Variants in CFDP1 observed in about 807,000 individuals in gnomAD.
The protein encoded by CFDP1 is chromatin remodeling protein CFDP1.
CFDP1 carries 31 observed loss-of-function variants against 40.1 expected under a neutral mutation model. The observed-to-expected ratio is 0.77, with a 90% CI of 0.58 to 1.04. The LOEUF (loss-of-function observed/expected upper bound fraction) is 1.04. CFDP1 is among the 50% of genes least tolerant of loss of function. The pLI, the probability that CFDP1 is intolerant of heterozygous loss-of-function variation, is 0.00. For synonymous variants in CFDP1, 167 were observed against 120.0 expected, an observed-to-expected ratio of 1.39 and a Z score of -2.56; for missense variants, 423 against 343.4, an observed-to-expected ratio of 1.23 and a Z score of -1.83.
intron 5 of CFDP1, among the ~76,000 whole-genome samples, chr16:75,314,969 C>A (rs2078315240): frequency 1.3e-5 from 2 of 152,174 alleles, no homozygotes; most frequent in Admixed American, 6.5e-5. Flanking sequence ...CCAGGTTGGT[C>A]TTGATCTCCT....
intron 5 of CFDP1, among the ~76,000 whole-genome samples, chr16:75,360,662 G>A (rs1378949767): frequency 6.6e-6 from 1 of 152,126 alleles, no homozygotes; most frequent in Non-Finnish European, 1.5e-5. Context: ...CAAGATAACT[G>A]GAAATTTGCC....
chr16:75,350,333 C>A (rs892577658), intron 5 of CFDP1, among the ~76,000 whole-genome samples: 2 of 152,122 alleles, frequency 1.3e-5, no homozygotes, highest in African/African-American at 4.8e-5. Context: ...GTGGCTACAC[C>A]ATTCTATATC....
intron 2 of CFDP1, among the ~76,000 whole-genome samples, chr16:75,413,524 G>C (rs1166347395): frequency 1.5e-5 from 2 of 130,560 alleles, no homozygotes; most frequent in African/African-American, 3.0e-5. Context: ...CTGCACTCCA[G>C]CCTAGGCAAC....
chr16:75,365,455 C>T (rs540597022), intron 5 of CFDP1, among the ~76,000 whole-genome samples: 1 of 152,284 alleles, frequency 6.6e-6, no homozygotes, highest in South Asian at 2.1e-4. Context: ...GTGGCACAGA[C>T]GGACTAAAAC....
At chr16:75,423,152 G>C (rs1009255807) in intron 1 of CFDP1, among the ~76,000 whole-genome samples, 4 of 151,726 alleles carry the variant, frequency 2.6e-5, no homozygotes, top group Non-Finnish European at 5.9e-5. Flanking sequence ...CTTGTGGTGG[G>C]TGCCTGTAGT....
chr16:75,414,009 C>T (rs149113076), intron 2 of CFDP1, among the ~76,000 whole-genome samples: 1 of 152,148 alleles, frequency 6.6e-6, no homozygotes, highest in East Asian at 1.9e-4. Context: ...AGAATATTCA[C>T]TGCACTCTTC....
chr16:75,367,924 G>C (rs145345793), intron 5 of CFDP1, among the ~76,000 whole-genome samples: 41 of 152,146 alleles, frequency 2.7e-4, no homozygotes, highest in Admixed American at 8.5e-4. Context: ...AGCCAACATG[G>C]TGAAACTCTG....
intron 6 of CFDP1, among the ~76,000 whole-genome samples, chr16:75,301,043 T>C (rs2078218022): frequency 6.6e-6 from 1 of 152,038 alleles, no homozygotes; most frequent in Non-Finnish European, 1.5e-5. Context: ...GAATAAAGCA[T>C]CTAGCTTTCC....
At chr16:75,306,442 T>G (rs2078257902) in intron 5 of CFDP1, 1 of 152,248 alleles carries the variant, frequency 6.6e-6, no homozygotes, top group Non-Finnish European at 1.5e-5. Flanking sequence ...ACCAGACTGC[T>G]GGGACTGAAC....
chr16:75,364,429 T>A (rs1175976133), intron 5 of CFDP1, among the ~76,000 whole-genome samples: 1 of 152,142 alleles, frequency 6.6e-6, no homozygotes, highest in Non-Finnish European at 1.5e-5. Context: ...ATGGGAGATT[T>A]TTTTCAGGGA....
chr16:75,364,572 G>C (rs2078701291), intron 5 of CFDP1, among the ~76,000 whole-genome samples: 1 of 152,206 alleles, frequency 6.6e-6, no homozygotes, highest in South Asian at 2.1e-4. Context: ...ACAGCTAATG[G>C]AATGTGTGAA....
rs61472076 is a variant in CFDP1, at chr16:75,349,650, CAAAAAAAAAAAAAAAAA to C, written c.651-44485_651-44469del. Among the ~76,000 whole-genome samples, 56 of 23,242 alleles carry C rather than the reference CAAAAAAAAAAAAAAAAA, an allele frequency of 2.4e-3. 1 individual carries two copies. The highest frequency in any genetic ancestry group is 7.0e-3 in the African/African-American group (53 of 7,532). The allele number at this position is 23,242 out of a possible 152,430, so 15.2% of individuals were successfully genotyped here. The stretch of plus-strand genomic sequence containing the variant: ...TGGGCGACAGAGCGAGACTCCGTCT[CAAAAAAAAAAAAAAAAA>C]AAAAAAAAAAAAAAAAAAAAAAAAT... On this transcript the variant is annotated intron_variant, in intron 5 of 6. Coordinates refer to ENST00000283882, the MANE Select transcript of CFDP1 (RefSeq NM_006324.3).
intron 5 of CFDP1, among the ~76,000 whole-genome samples, chr16:75,318,095 C>T (rs1255657248): frequency 1.3e-5 from 2 of 151,878 alleles, no homozygotes; most frequent in African/African-American, 2.4e-5. Context: ...CACTCCAGCG[C>T]GCCACTGCAC....
intron 5 of CFDP1, among the ~76,000 whole-genome samples, chr16:75,351,459 G>C (rs1443589107): frequency 6.6e-6 from 1 of 152,190 alleles, no homozygotes; most frequent in Non-Finnish European, 1.5e-5. Flanking sequence ...ATGGAAGCTA[G>C]CAAAGACTAT....
Position 75,414,210 on chromosome 16 carries a change from T to TA in CFDP1, c.182+367dup, listed in dbSNP as rs889213358. The stretch of plus-strand genomic sequence containing the variant: ...TATGCTACTATTTATATTTTTTTTC[T>TA]AAAAAAAAAATGAAGAAAATATAGA... On this transcript the variant is annotated intron_variant, in intron 2 of 6. Transcript: ENST00000283882. Among the ~76,000 whole-genome samples the TA allele has an allele frequency of 1.9e-3, 277 of 148,166 alleles. 1 individual carries two copies. The highest frequency in any genetic ancestry group is 6.0e-3 in the African/African-American group (242 of 40,528).
rs193082669 is a variant in CFDP1, at chr16:75,310,684, C to T, written c.651-5502G>A. On this transcript the variant is annotated intron_variant, in intron 5 of 6. Coordinates refer to ENST00000283882, the MANE Select transcript of CFDP1 (RefSeq NM_006324.3). ...ACCGATTTATTTTGTAGCAAGAGCACTGTTCTATCTGACCACCCTCAGCAA... is the reference window on the plus strand; with the variant it reads ...ACCGATTTATTTTGTAGCAAGAGCATTGTTCTATCTGACCACCCTCAGCAA... Among the ~76,000 whole-genome samples, 697 of 152,286 alleles carry T rather than the reference C, an allele frequency of 4.6e-3. 29 individuals are homozygous for T. Among genetic ancestry groups the T allele is most frequent in the Admixed American group, 0.043 (657 of 15,280 alleles).
chr16:75,369,931 GTATTAT>G (rs993288988), intron 5 of CFDP1, among the ~76,000 whole-genome samples: 1 of 151,418 alleles, frequency 6.6e-6, no homozygotes, highest in Non-Finnish European at 1.5e-5. Context: ...GCTAATTTTT[GTATTAT>G]TATTATTATT....
At chr16:75,349,168 G>C (rs1323813913) in intron 5 of CFDP1, among the ~76,000 whole-genome samples, 1 of 152,058 alleles carries the variant, frequency 6.6e-6, no homozygotes, top group African/African-American at 2.4e-5. Context: ...CTGCACCAGG[G>C]CTGTCTCCTT....
At chr16:75,359,043 C>T (rs1051894549) in intron 5 of CFDP1, among the ~76,000 whole-genome samples, 1 of 152,176 alleles carries the variant, frequency 6.6e-6, no homozygotes, top group African/African-American at 2.4e-5. Context: ...AATACTCCTT[C>T]CTTTTCCAAC....
Sources: gnomAD v4.1 joint callset for allele counts (sites outside exome capture counted in the v4.1 genomes callset) on GRCh38, gnomAD v4.1.1 for gene constraint, MANE v1.5 for transcripts, NCBI Gene and HGNC (gene_info 2026-07-23, HGNC 2026-07-21) for gene names.